LCORL: variants seen among roughly 807,000 people sequenced by gnomAD.
LCORL encodes the protein ligand dependent nuclear receptor corepressor like, also known as ligand-dependent nuclear receptor corepressor-like protein.
Under a neutral mutation model 141.8 loss-of-function variants are expected in LCORL, and 41 were observed. The ratio of observed to expected loss-of-function variants is 0.29; its 90% confidence interval spans 0.23 to 0.38. LCORL has a LOEUF of 0.38. Ranked by LOEUF, LCORL falls within the 10% of genes least tolerant of loss-of-function variation. LCORL has a pLI of 1.00. For missense variants in LCORL, 1,759 were observed against 2,035.0 expected (o/e 0.86, Z 2.61); for synonymous variants, 618 against 694.1 (o/e 0.89, Z 1.72).
chr4:17,973,032 T>C (rs965111290), intron 1 of LCORL, 147 bp from the exon 2 acceptor site: 19 of 378,078 alleles, frequency 5.0e-5, no homozygotes, highest in Non-Finnish European at 8.5e-5. Flanking sequence ...AAGTAGGCAA[T>C]ATACAACATA....
chr4:17,911,810 T>C (rs987964865), intron 4 of LCORL: 13 of 455,032 alleles, frequency 2.9e-5, no homozygotes, highest in African/African-American at 2.4e-4. Flanking sequence ...GGTTCCCTGA[T>C]CTCCATGTCC....
chr4:17,944,990 T>C (rs1029624256), intron 4 of LCORL, among the ~76,000 whole-genome samples: 3 of 152,168 alleles, frequency 2.0e-5, no homozygotes, highest in African/African-American at 7.2e-5. Context: ...CATAATTATA[T>C]GTAAAATAAA....
In LCORL at chr4:17,903,693, T is replaced by A. The variant is rs140876847; in HGVS notation, c.682+5401A>T. ...TCCTCAAATATTTGAAATGCCTGGA[T>A]AGAAAGTACAATGGAGAGGAAAATA... On this transcript the variant is annotated intron_variant, in intron 5 of 7. Coordinates refer to ENST00000635767, the Ensembl canonical transcript of LCORL. 2.5e-3 allele frequency among the ~76,000 whole-genome samples: 382 copies of A among 152,052 alleles called. 2 individuals are homozygous for A. The highest frequency in any genetic ancestry group is 4.5e-3 in the Non-Finnish European group (304 of 67,890).
At chr4:18,020,787 A>T (rs1725394084) in intron 1 of LCORL, 1 of 152,178 alleles carries the variant, frequency 6.6e-6, no homozygotes, top group South Asian at 2.1e-4. Context: ...AGAGTCCATC[A>T]CATGACAGTG....
chr4:17,962,114 A>G (rs989131683), intron 3 of LCORL, 82 bp from the exon 4 acceptor site: 1 of 835,100 alleles, frequency 1.2e-6, no homozygotes, highest in Non-Finnish European at 1.8e-6. Flanking sequence ...CAAAAAATTA[A>G]TGCTCTAAAT....
chr4:17,877,162 T>C (rs567689714), exon 7 of LCORL: 1 of 1,230,862 alleles, frequency 8.1e-7, no homozygotes, highest in East Asian at 3.2e-5. Flanking sequence ...GCAAATAAAG[T>C]TTCTTGACGC....
Position 17,911,068 on chromosome 4 carries a change from T to C in LCORL, c.431-1723A>G, listed in dbSNP as rs1577393683. 2.0e-5 allele frequency among the ~76,000 whole-genome samples: 3 copies of C among 152,322 alleles called. No homozygotes were observed. The South Asian group carries it at 6.2e-4, about 32-fold the overall frequency. On this transcript the variant is annotated intron_variant, in intron 4 of 7. Coordinates refer to ENST00000635767, the Ensembl canonical transcript of LCORL. ...CATATTCTCTCCATGCCTCAGTTTCTACATTCATTAAGACAGAAATAATAA... is the reference window on the plus strand; with the variant it reads ...CATATTCTCTCCATGCCTCAGTTTCCACATTCATTAAGACAGAAATAATAA...
chr4:17,849,173 G>C (rs1197839003), intron 7 of LCORL, among the ~76,000 whole-genome samples: 1 of 152,236 alleles, frequency 6.6e-6, no homozygotes, highest in Non-Finnish European at 1.5e-5. Flanking sequence ...GCTTTGAAGA[G>C]AGCAGTGGTT....
At chr4:17,898,399 A>T (rs1730321790) in intron 5 of LCORL, among the ~76,000 whole-genome samples, 1 of 152,104 alleles carries the variant, frequency 6.6e-6, no homozygotes, top group Non-Finnish European at 1.5e-5. Flanking sequence ...AAAAATGTTT[A>T]TCCTTTGGAA....
intron 4 of LCORL, among the ~76,000 whole-genome samples, chr4:17,955,352 C>G (rs1256127446): frequency 6.6e-6 from 1 of 152,052 alleles, no homozygotes; most frequent in East Asian, 1.9e-4. Context: ...GAAAGAAAGT[C>G]TAACTAGGAT....
At chr4:17,959,905 C>A (rs943359790) in intron 4 of LCORL, among the ~76,000 whole-genome samples, 5 of 152,048 alleles carry the variant, frequency 3.3e-5, no homozygotes, top group South Asian at 2.1e-4. Flanking sequence ...AATAATATTT[C>A]TTGCCTTTTA....
intron 1 of LCORL, among the ~76,000 whole-genome samples, chr4:18,007,096 A>G (rs1204021920): frequency 6.6e-6 from 1 of 152,084 alleles, no homozygotes; most frequent in African/African-American, 2.4e-5. Context: ...ACATCTCCTG[A>G]TTTGCCTGTT....
chr4:17,869,761 A>G (rs1726111922), intron 7 of LCORL, among the ~76,000 whole-genome samples: 1 of 152,114 alleles, frequency 6.6e-6, no homozygotes, highest in African/African-American at 2.4e-5. Flanking sequence ...ATGTTTAGGA[A>G]GCATATCCAT....
At chr4:17,912,312 T>C (rs1732693621) in intron 4 of LCORL, 1 of 677,784 alleles carries the variant, frequency 1.5e-6, no homozygotes, top group African/African-American at 1.8e-5. Flanking sequence ...AGATCGAGGC[T>C]CTCAAAGAGG....
At chr4:17,952,501 T>C (rs1405020123) in intron 4 of LCORL, among the ~76,000 whole-genome samples, 1 of 151,270 alleles carries the variant, frequency 6.6e-6, no homozygotes, top group African/African-American at 2.4e-5. Flanking sequence ...CTGCAAGCTC[T>C]GCCTCCCAGG....
exon 8 of LCORL, chr4:17,843,500 C>T: frequency 6.6e-7 from 1 of 1,520,820 alleles, no homozygotes; most frequent in Non-Finnish European, 9.0e-7. Context: ...TTACCCTTGT[C>T]AAAATCAGAA....
intron 4 of LCORL, among the ~76,000 whole-genome samples, chr4:17,935,508 T>TC (rs1736708397): frequency 6.6e-6 from 1 of 152,192 alleles, no homozygotes; most frequent in Non-Finnish European, 1.5e-5. Flanking sequence ...CTTGGTGCTA[T>TC]CCTCAGTAAT....
At chr4:17,987,957 T>C (rs1719295799) in intron 1 of LCORL, among the ~76,000 whole-genome samples, 4 of 152,196 alleles carry the variant, frequency 2.6e-5, no homozygotes, top group South Asian at 2.1e-4. Flanking sequence ...CAGGATGATA[T>C]GGTTTGGCTC....
chr4:17,926,790 G>A (rs779359635), intron 4 of LCORL, among the ~76,000 whole-genome samples: 3 of 152,216 alleles, frequency 2.0e-5, no homozygotes, highest in South Asian at 2.1e-4. Flanking sequence ...GTAAACAGAT[G>A]TGTTGTCATC....
Sources: gnomAD v4.1 joint callset for allele counts (sites outside exome capture counted in the v4.1 genomes callset) on GRCh38, gnomAD v4.1.1 for gene constraint, MANE v1.5 for transcripts, NCBI Gene and HGNC (gene_info 2026-07-23, HGNC 2026-07-21) for gene names.